The following ZC3H3 variants were observed in gnomAD, a reference collection of about 807,000 sequenced individuals.
ZC3H3 encodes the protein zinc finger CCCH domain-containing protein 3.
A neutral mutation model predicts 77.3 loss-of-function variants in ZC3H3; 36 were observed. That is an observed-to-expected ratio of 0.47 (90% CI 0.36 to 0.61). The LOEUF is 0.61. Ranked by LOEUF, ZC3H3 falls within the 20% of genes least tolerant of loss-of-function variation. The probability of loss-of-function intolerance (pLI) is 0.00; values close to 1 mark genes in which losing one functional copy is unlikely to be tolerated. For synonymous variants in ZC3H3, 626 were observed against 555.2 expected, an observed-to-expected ratio of 1.13 and a Z score of -1.79; for missense variants, 1,331 against 1,312.2, an observed-to-expected ratio of 1.01 and a Z score of -0.22.
chr8:143,541,316 A>C (rs979373293), intron 1 of ZC3H3, 60 bp downstream of exon 1: 1 of 1,597,326 alleles, frequency 6.3e-7, no homozygotes, highest in Non-Finnish European at 8.5e-7. Context: ...GGGGCAGGGG[A>C]CCCGCCGCGA....
At chr8:143,507,216 A>G in intron 4 of ZC3H3, among the ~76,000 whole-genome samples, 1 of 152,192 alleles carries the variant, frequency 6.6e-6, no homozygotes, top group East Asian at 1.9e-4. Flanking sequence ...CCCTGCCGAC[A>G]GAGCCGCCCT....
At chr8:143,537,047 T>G (rs539439182) in intron 2 of ZC3H3, among the ~76,000 whole-genome samples, 11 of 151,978 alleles carry the variant, frequency 7.2e-5, no homozygotes, top group South Asian at 2.1e-4. Context: ...GCCAGCAACC[T>G]AGACCAGACG....
chr8:143,515,449 G>A (rs1586946063), intron 3 of ZC3H3, among the ~76,000 whole-genome samples: 5 of 152,254 alleles, frequency 3.3e-5, no homozygotes, highest in African/African-American at 1.2e-4. Context: ...CAGGCTGTGG[G>A]GACCCTGCAG....
At chr8:143,513,908 A>G (rs1821950928) in intron 3 of ZC3H3, among the ~76,000 whole-genome samples, 1 of 152,168 alleles carries the variant, frequency 6.6e-6, no homozygotes, top group African/African-American at 2.4e-5. Flanking sequence ...AGGGCTATGG[A>G]GCAGCTGAAA....
intron 5 of ZC3H3, among the ~76,000 whole-genome samples, chr8:143,469,659 G>A (rs1392405095): frequency 1.3e-5 from 2 of 151,976 alleles, no homozygotes; most frequent in Non-Finnish European, 2.9e-5. Context: ...AGTGCTGCCA[G>A]GCCTGAGAGC....
intron 3 of ZC3H3, among the ~76,000 whole-genome samples, chr8:143,522,557 T>G (rs1408308799): frequency 6.6e-6 from 1 of 151,858 alleles, no homozygotes; most frequent in Non-Finnish European, 1.5e-5. Context: ...GAGCCAAGAC[T>G]GTGCCGCTGC....
chr8:143,449,298 C>A (rs2129810708), intron 9 of ZC3H3, among the ~76,000 whole-genome samples: 1 of 152,342 alleles, frequency 6.6e-6, no homozygotes, highest in Non-Finnish European at 1.5e-5. Context: ...GGCCAGGCTG[C>A]AAATTTTCCA....
At chr8:143,534,917 AT>A (rs2130510184) in intron 3 of ZC3H3, among the ~76,000 whole-genome samples, 1 of 150,992 alleles carries the variant, frequency 6.6e-6, no homozygotes, top group East Asian at 2.0e-4. Flanking sequence ...GCATCGCCCC[AT>A]TCAGCCCTCC....
chr8:143,475,938 C>T (rs575877217), intron 4 of ZC3H3, among the ~76,000 whole-genome samples: 2 of 152,178 alleles, frequency 1.3e-5, no homozygotes, highest in Non-Finnish European at 2.9e-5. Context: ...CACACCTCCC[C>T]GTGGATATAA....
intron 4 of ZC3H3, among the ~76,000 whole-genome samples, chr8:143,478,531 T>TG (rs1180664620): frequency 6.6e-6 from 1 of 152,226 alleles, no homozygotes; most frequent in Non-Finnish European, 1.5e-5. Flanking sequence ...TTTTTTGAGA[T>TG]GGAGTTTTGC....
chr8:143,441,060 C>A lies in ZC3H3; in HGVS notation c.2368G>T (p.Gly790Cys). ...DFARRGACPR[G>C]AQCQLLHRTQ... is the part of the protein sequence containing the mutation. ...CGGTGGAGCAGCTGGCACTGGGCGC[C>A]GCGGGGACACGCCCCCCTGCGGGCA... is the stretch of plus-strand genomic sequence containing the variant. Residue 790 changes from glycine (G) to cysteine (C), a missense_variant, in exon 10 of 12, where the codon GGC becomes TGC. Gly to Cys is a radical substitution (Grantham distance 159). Coordinates refer to ENST00000262577, the MANE Select transcript of ZC3H3 (RefSeq NM_015117.3). 1 of 1,473,974 alleles carries A rather than the reference C, an allele frequency of 6.8e-7. No homozygotes were observed. Among genetic ancestry groups the A allele is most frequent in the East Asian group, 2.8e-5 (1 of 36,008 alleles). 91.3% of individuals were successfully genotyped at this position (1,473,974 alleles called of 1,614,324 possible). A position where few individuals can be genotyped will look rare whatever the true frequency, so the allele number is the denominator to read the frequency against.
intron 9 of ZC3H3, among the ~76,000 whole-genome samples, chr8:143,443,495 T>C (rs1819798613): frequency 6.6e-6 from 1 of 152,112 alleles, no homozygotes; most frequent in Non-Finnish European, 1.5e-5. Flanking sequence ...GATCTGGAAA[T>C]GTATCACCAT....
intron 9 of ZC3H3, among the ~76,000 whole-genome samples, chr8:143,457,987 C>T (rs939711809): frequency 2.0e-5 from 3 of 151,902 alleles, no homozygotes; most frequent in Non-Finnish European, 2.9e-5. Context: ...ATAATAAGAG[C>T]AGACAGCCCA....
chr8:143,518,787 T>C (rs915848334), intron 3 of ZC3H3, among the ~76,000 whole-genome samples: 8 of 152,190 alleles, frequency 5.3e-5, no homozygotes, highest in African/African-American at 1.9e-4. Flanking sequence ...CATACAAACG[T>C]GCAACTGGGG....
At chr8:143,512,558 C>T (rs958297511) in intron 3 of ZC3H3, among the ~76,000 whole-genome samples, 2 of 152,226 alleles carry the variant, frequency 1.3e-5, no homozygotes, top group Admixed American at 1.3e-4. Flanking sequence ...TGGCACCTTC[C>T]AGTACGGCCG....
At chr8:143,472,344 G>T (rs538961182) in intron 5 of ZC3H3, among the ~76,000 whole-genome samples, 69 of 152,384 alleles carry the variant, frequency 4.5e-4, no homozygotes, top group African/African-American at 1.5e-3. Context: ...TGTTCACAGT[G>T]TGGTGACGTC....
chr8:143,451,203 G>T (rs1488817169), intron 9 of ZC3H3, among the ~76,000 whole-genome samples: 1 of 152,136 alleles, frequency 6.6e-6, no homozygotes, highest in Admixed American at 6.5e-5. Flanking sequence ...AAGCAGGACA[G>T]GAGCCCGGGG....
chr8:143,480,183 A>C (rs1483563519), intron 4 of ZC3H3, among the ~76,000 whole-genome samples: 2 of 152,204 alleles, frequency 1.3e-5, no homozygotes, highest in African/African-American at 2.4e-5. Flanking sequence ...GGCCTGGGCA[A>C]GATGGGAGAG....
Position 143,437,978 on chromosome 8 carries a change from G to C in ZC3H3, c.*78C>G. The C allele has an allele frequency of 1.9e-6, 3 of 1,558,702 alleles. No homozygotes were observed. The highest frequency in any genetic ancestry group is 2.6e-6 in the Non-Finnish European group (3 of 1,149,258). On this transcript the variant is annotated 3_prime_UTR_variant, in exon 12 of 12. Transcript: ENST00000262577. ...CTTGGTGGCGGGCGGCCCTCCTGTGGGGTAGAGTGGTGGACAGAGCCTCTT... is the reference window on the plus strand; with the variant it reads ...CTTGGTGGCGGGCGGCCCTCCTGTGCGGTAGAGTGGTGGACAGAGCCTCTT...
Sources: gnomAD v4.1 joint callset for allele counts (sites outside exome capture counted in the v4.1 genomes callset) on GRCh38, gnomAD v4.1.1 for gene constraint, MANE v1.5 for transcripts, NCBI Gene and HGNC (gene_info 2026-07-23, HGNC 2026-07-21) for gene names.